FRMD6: variants seen among roughly 807,000 people sequenced by gnomAD.
FRMD6 encodes FERM domain containing 6, also known as FERM domain-containing protein 6.
Under a neutral mutation model 73.2 loss-of-function variants are expected in FRMD6, and 37 were observed. The observed-to-expected ratio is 0.51, with a 90% CI of 0.39 to 0.66. The LOEUF (loss-of-function observed/expected upper bound fraction) is 0.66, where lower values mean the gene tolerates loss of function less well. Ranked by LOEUF, FRMD6 falls within the 30% of genes least tolerant of loss-of-function variation. The pLI, the probability that FRMD6 is intolerant of heterozygous loss-of-function variation, is 0.00. For synonymous variants in FRMD6, 273 were observed against 282.2 expected, an observed-to-expected ratio of 0.97 and a Z score of 0.33; for missense variants, 714 against 780.5, an observed-to-expected ratio of 0.91 and a Z score of 1.02.
intron 1 of FRMD6, among the ~76,000 whole-genome samples, chr14:51,503,157 C>G (rs1434961746): frequency 6.6e-6 from 1 of 152,218 alleles, no homozygotes; most frequent in Admixed American, 6.5e-5. Context: ...GATAATTTGG[C>G]TTCCTCTCTT....
intron 2 of FRMD6, among the ~76,000 whole-genome samples, chr14:51,614,183 T>C (rs1409323158): frequency 1.3e-5 from 2 of 152,200 alleles, no homozygotes; most frequent in Non-Finnish European, 2.9e-5. Context: ...GGTTAAGAAC[T>C]CTTTTTTTCT....
At chr14:51,581,704 G>A (rs1321798166) in intron 2 of FRMD6, among the ~76,000 whole-genome samples, 4 of 152,210 alleles carry the variant, frequency 2.6e-5, no homozygotes, top group East Asian at 1.9e-4. Context: ...GATACTTGCC[G>A]AATTCTTGGC....
chr14:51,521,684 G>A (rs757901039), intron 1 of FRMD6, among the ~76,000 whole-genome samples: 8 of 151,476 alleles, frequency 5.3e-5, no homozygotes, highest in African/African-American at 7.3e-5. Context: ...CAAGAAGTAG[G>A]TCTTAACCCC....
chr14:51,686,894 A>C (rs115564887), intron 1 of FRMD6, among the ~76,000 whole-genome samples: 1 of 152,124 alleles, frequency 6.6e-6, no homozygotes, highest in South Asian at 2.1e-4. Context: ...AGATATGGCT[A>C]TTTTGCCATT....
chr14:51,564,927 C>G (rs964254062), intron 1 of FRMD6, among the ~76,000 whole-genome samples: 2 of 152,224 alleles, frequency 1.3e-5, no homozygotes, highest in African/African-American at 4.8e-5. Flanking sequence ...AGTGATTTTT[C>G]ACGACAGTAA....
chr14:51,558,297 G>A (rs554352120), intron 1 of FRMD6, among the ~76,000 whole-genome samples: 1 of 151,990 alleles, frequency 6.6e-6, no homozygotes, highest in Non-Finnish European at 1.5e-5. Flanking sequence ...GCGAAACCCT[G>A]TCTCTACTAA....
intron 2 of FRMD6, among the ~76,000 whole-genome samples, chr14:51,628,198 T>C (rs1237953885): frequency 6.6e-6 from 1 of 152,232 alleles, no homozygotes; most frequent in Non-Finnish European, 1.5e-5. Context: ...GATATGTGCC[T>C]ATTTCTAAGA....
chr14:51,597,087 T>C (rs1409783034), intron 2 of FRMD6, among the ~76,000 whole-genome samples: 1 of 152,238 alleles, frequency 6.6e-6, no homozygotes, highest in African/African-American at 2.4e-5. Context: ...ATGATGTGCA[T>C]AATCATTCAC....
chr14:51,556,789 G>A (rs752814829), intron 1 of FRMD6, among the ~76,000 whole-genome samples: 15 of 152,092 alleles, frequency 9.9e-5, no homozygotes, highest in Non-Finnish European at 1.5e-4. Context: ...TCTTTCCCGA[G>A]CTGCCCCTGT....
intron 9 of FRMD6, among the ~76,000 whole-genome samples, chr14:51,713,458 CAAAAA>C (rs5808631): frequency 8.9e-6 from 1 of 111,858 alleles, no homozygotes; most frequent in African/African-American, 3.4e-5. Context: ...AACTCCATCT[CAAAAA>C]AAAAAAAAAA....
chr14:51,725,965 A>T (rs1897932045), intron 13 of FRMD6, 95 bp downstream of exon 13: 1 of 789,844 alleles, frequency 1.3e-6, no homozygotes, highest in Non-Finnish European at 2.1e-6. Context: ...AAAAATTAAA[A>T]ACCCTAAGGA....
chr14:51,485,711 A>G (rs1210972017), upstream of FRMD6, among the ~76,000 whole-genome samples: 1 of 152,232 alleles, frequency 6.6e-6, no homozygotes, highest in Admixed American at 6.5e-5. Flanking sequence ...TTTGGTGGTG[A>G]TCACATGTGT....
chr14:51,603,932 T>G (rs543592433), intron 2 of FRMD6, among the ~76,000 whole-genome samples: 2 of 109,416 alleles, frequency 1.8e-5, no homozygotes, highest in South Asian at 6.5e-4. Context: ...CACGGTAATT[T>G]CTCTTGTGAT....
intron 2 of FRMD6, among the ~76,000 whole-genome samples, chr14:51,636,665 T>C (rs539914385): frequency 6.6e-6 from 1 of 152,184 alleles, no homozygotes; most frequent in Admixed American, 6.5e-5. Context: ...GATGATAAAG[T>C]TTAGAGGGGA....
intron 1 of FRMD6, among the ~76,000 whole-genome samples, chr14:51,495,733 A>G (rs931739390): frequency 6.6e-6 from 1 of 152,230 alleles, no homozygotes. Context: ...GTTAAATGCC[A>G]TGTTCCGTGG....
At chr14:51,629,131 G>A (rs988679616) in intron 2 of FRMD6, among the ~76,000 whole-genome samples, 3 of 151,912 alleles carry the variant, frequency 2.0e-5, no homozygotes, top group Admixed American at 6.6e-5. Flanking sequence ...CGCCCGCCTC[G>A]CCCTCCCAAA....
chr14:51,697,576 G>A (rs147443886), intron 2 of FRMD6, among the ~76,000 whole-genome samples: 8 of 152,112 alleles, frequency 5.3e-5, no homozygotes, highest in African/African-American at 1.7e-4. Flanking sequence ...ATTGTACAAC[G>A]TGGTGACTGT....
intron 1 of FRMD6, among the ~76,000 whole-genome samples, chr14:51,527,166 C>G (rs1330368830): frequency 6.6e-6 from 1 of 152,224 alleles, no homozygotes; most frequent in Non-Finnish European, 1.5e-5. Context: ...TTCGGAAAGA[C>G]TCTATATGAT....
At chr14:51,550,509 G>A (rs1297425644) in intron 1 of FRMD6, among the ~76,000 whole-genome samples, 1 of 152,116 alleles carries the variant, frequency 6.6e-6, no homozygotes, top group African/African-American at 2.4e-5. Context: ...TGTCTGTGGG[G>A]TCCTCAGGAA....
Sources: gnomAD v4.1 joint callset for allele counts (sites outside exome capture counted in the v4.1 genomes callset) on GRCh38, gnomAD v4.1.1 for gene constraint, MANE v1.5 for transcripts, NCBI Gene and HGNC (gene_info 2026-07-23, HGNC 2026-07-21) for gene names.